Variants in NDFIP2 observed in about 807,000 individuals in gnomAD.
NDFIP2 encodes NEDD4 family-interacting protein 2.
In NDFIP2, 19 loss-of-function variants were observed where a neutral mutation model predicts 36.0. The ratio of observed to expected loss-of-function variants is 0.53; its 90% CI spans 0.37 to 0.77. The LOEUF (loss-of-function observed/expected upper bound fraction) is 0.77, where lower values mean the gene tolerates loss of function less well. Among genes scored for constraint, NDFIP2 ranks in the 30% least tolerant of loss-of-function variants. NDFIP2 has a pLI of 0.00. For missense variants in NDFIP2, 446 were observed against 435.8 expected (o/e 1.02, Z -0.21); for synonymous variants, 181 against 167.7 (o/e 1.08, Z -0.61).
Position 79,539,749 on chromosome 13 carries a change from A to ATGGCATTTTCATGC in NDFIP2, c.699_712dup (p.Phe238SerfsTer26), listed in dbSNP as rs1204950045. ...GCAGACCAGCTCAGAGTGGGGAATGATGGCATTTTCATGCTGGCATTTTTC... is the reference window on the plus strand; with the variant it reads ...GCAGACCAGCTCAGAGTGGGGAATGATGGCATTTTCATGCTGGCATTTTCATGCTGGCATTTTTC... On this transcript the variant is annotated frameshift_variant, in exon 4 of 8. Coordinates refer to ENST00000218652, the MANE Select transcript of NDFIP2 (RefSeq NM_019080.3). LOFTEE classifies it high-confidence loss of function. 6.2e-7 allele frequency: 1 copy of ATGGCATTTTCATGC among 1,613,694 alleles called. No individual in the cohort carries two copies. The highest frequency in any genetic ancestry group is 1.7e-5 in the Admixed American group (1 of 59,996).
At chr13:79,500,972 T>C (rs1238138453) in intron 1 of NDFIP2, among the ~76,000 whole-genome samples, 5 of 152,078 alleles carry the variant, frequency 3.3e-5, no homozygotes, top group African/African-American at 2.4e-5. Flanking sequence ...GAGAACAGAT[T>C]ATTATTCAGA....
intron 2 of NDFIP2, among the ~76,000 whole-genome samples, chr13:79,529,011 T>C (rs748370643): frequency 3.9e-5 from 6 of 152,198 alleles, no homozygotes; most frequent in Non-Finnish European, 7.4e-5. Flanking sequence ...ACATAAATAA[T>C]AATACGTGAC....
intron 1 of NDFIP2, among the ~76,000 whole-genome samples, chr13:79,502,884 GGGGA>G (rs1167298782): frequency 6.7e-6 from 1 of 148,834 alleles, no homozygotes; most frequent in Non-Finnish European, 1.5e-5. Context: ...TTTTAGCTGG[GGGGA>G]GGTTTTTTTT....
rs566512868 is a variant in NDFIP2 at position 79,495,793 on chromosome 13, A to G, written c.321+14269A>G. Among the ~76,000 whole-genome samples the G allele has an allele frequency of 7.3e-5, 11 of 151,712 alleles. No individual in the cohort carries two copies. The South Asian group carries it at 2.3e-3, about 32-fold the overall frequency. ...TTTACCCTTTTCTATCTTCTTTTGG[A>G]TCATTTGATTTATGAAAAAAGTTTT... On this transcript the variant is annotated intron_variant, in intron 1 of 7. Transcript: ENST00000218652.
intron 2 of NDFIP2, 103 bp downstream of exon 2, chr13:79,521,078 A>ATATC: frequency 1.1e-6 from 1 of 940,060 alleles, no homozygotes; most frequent in Non-Finnish European, 1.6e-6. Flanking sequence ...ACATATATAC[A>ATATC]CATGGATATT....
intron 1 of NDFIP2, among the ~76,000 whole-genome samples, chr13:79,514,427 AG>A (rs1874197684): frequency 6.6e-6 from 1 of 152,242 alleles, no homozygotes; most frequent in East Asian, 1.9e-4. Context: ...ACTTTTGGAG[AG>A]CTGTTACTTT....
At chr13:79,544,866 A>G (rs933729443) in intron 5 of NDFIP2, among the ~76,000 whole-genome samples, 1 of 152,114 alleles carries the variant, frequency 6.6e-6, no homozygotes, top group African/African-American at 2.4e-5. Context: ...TTGATTATTA[A>G]TCAGTTAATT....
chr13:79,490,627 T>C (rs1441267546), intron 1 of NDFIP2, among the ~76,000 whole-genome samples: 1 of 152,168 alleles, frequency 6.6e-6, no homozygotes, highest in Non-Finnish European at 1.5e-5. Flanking sequence ...CAGAAGACTA[T>C]TTGCAAAAAC....
chr13:79,512,482 T>G (rs958166940), intron 1 of NDFIP2, among the ~76,000 whole-genome samples: 2 of 150,144 alleles, frequency 1.3e-5, no homozygotes, highest in Admixed American at 6.6e-5. Context: ...GCAAAACTGG[T>G]AAGTGAGAAA....
In NDFIP2 at chr13:79,533,394, G is replaced by A. The variant is rs750119777; in HGVS notation, c.559G>A (p.Asp187Asn). Residue 187 changes from aspartate (D) to asparagine (N), a missense_variant, in exon 3 of 8, where the codon GAT becomes AAT. Transcript: ENST00000218652. Reference sequence around the variant, plus strand: ...CGTTGCTACCTCTCTTCCTACATACGATGAAGCTGAGAAGGCTAAAGCTGC... The same window carrying A: ...CGTTGCTACCTCTCTTCCTACATACAATGAAGCTGAGAAGGCTAAAGCTGC... ...YSVATSLPTYDEAEKAKAAAM... is the reference protein window; with the variant it reads ...YSVATSLPTYNEAEKAKAAAM... 7 of 1,611,902 alleles carry A rather than the reference G, an allele frequency of 4.3e-6. No individual in the cohort carries two copies. In the East Asian group the frequency reaches 8.9e-5, roughly 21 times the overall value.
At position 79,527,274 on chromosome 13, in the gene NDFIP2, A is replaced by G. The variant is rs78739015; in HGVS notation, c.488-6049A>G. 2.0e-3 allele frequency among the ~76,000 whole-genome samples: 302 copies of G among 152,360 alleles called. 10 individuals carry two copies. The East Asian group carries it at 0.046, about 23-fold the overall frequency. On this transcript the variant is annotated intron_variant, in intron 2 of 7. Transcript: ENST00000218652. ...TAAACATTAAAATTAGGTTTTTTGA[A>G]GGCTGTTTACTGATATCACACACTT...
intron 1 of NDFIP2, among the ~76,000 whole-genome samples, chr13:79,482,203 G>T (rs2079819414): frequency 8.0e-6 from 1 of 125,188 alleles, no homozygotes; most frequent in Non-Finnish European, 1.7e-5. Flanking sequence ...TTTGGTTAGA[G>T]GGGAAACAGA....
At chr13:79,551,803 C>T (rs994353239) in intron 7 of NDFIP2, among the ~76,000 whole-genome samples, 2 of 151,254 alleles carry the variant, frequency 1.3e-5, no homozygotes, top group African/African-American at 4.8e-5. Context: ...AGTATCTTCA[C>T]ATAAAGTAAC....
At chr13:79,496,681 C>G (rs60622151) in intron 1 of NDFIP2, among the ~76,000 whole-genome samples, 15 of 148,718 alleles carry the variant, frequency 1.0e-4, no homozygotes, top group Non-Finnish European at 2.2e-4. Flanking sequence ...ATAAAAAAAA[C>G]TTTTAAAGGG....
intron 3 of NDFIP2, 86 bp downstream of exon 3, chr13:79,533,542 G>T: frequency 8.0e-7 from 1 of 1,248,070 alleles, no homozygotes; most frequent in Non-Finnish European, 1.1e-6. Context: ...AGTTCTTTGT[G>T]TGTAAGTGTG....
At chr13:79,492,093 G>A (rs1873244009) in intron 1 of NDFIP2, among the ~76,000 whole-genome samples, 1 of 152,132 alleles carries the variant, frequency 6.6e-6, no homozygotes, top group African/African-American at 2.4e-5. Flanking sequence ...TAAAGAAATT[G>A]TGCTATTTGG....
At chr13:79,524,273 C>T (rs150345104) in intron 2 of NDFIP2, among the ~76,000 whole-genome samples, 169 of 152,248 alleles carry the variant, frequency 1.1e-3, no homozygotes, top group African/African-American at 4.0e-3. Flanking sequence ...TGTGATTTTC[C>T]TGGCTTCTCT....
chr13:79,487,295 T>A (rs971251322), intron 1 of NDFIP2, among the ~76,000 whole-genome samples: 2 of 152,212 alleles, frequency 1.3e-5, no homozygotes, highest in Non-Finnish European at 2.9e-5. Context: ...CTACAAAGCT[T>A]CTTTCATTCA....
intron 1 of NDFIP2, among the ~76,000 whole-genome samples, chr13:79,482,169 CTTTTTTTTTTTT>C (rs10558361): frequency 5.3e-5 from 4 of 75,886 alleles, no homozygotes; most frequent in African/African-American, 9.8e-5. Flanking sequence ...TTCTTTCTTT[CTTTTTTTTTTTT>C]TTTTTTTTTT....
Sources: gnomAD v4.1 joint callset for allele counts (sites outside exome capture counted in the v4.1 genomes callset) on GRCh38, gnomAD v4.1.1 for gene constraint, MANE v1.5 for transcripts, NCBI Gene and HGNC (gene_info 2026-07-23, HGNC 2026-07-21) for gene names.